The following EPB41L2 variants were observed in gnomAD, a reference collection of about 807,000 sequenced individuals.
The protein encoded by EPB41L2 is band 4.1-like protein 2.
EPB41L2 carries 43 observed loss-of-function variants against 113.0 expected under a neutral mutation model. The ratio of observed to expected loss-of-function variants is 0.38; its 90% CI spans 0.30 to 0.49. The LOEUF (loss-of-function observed/expected upper bound fraction) is 0.49. EPB41L2 is among the 20% of genes least tolerant of loss of function. The pLI is 0.95. For missense variants in EPB41L2, 1,147 were observed against 1,223.4 expected (o/e 0.94, Z 0.93); for synonymous variants, 442 against 436.7 (o/e 1.01, Z -0.15).
At chr6:130,859,296 C>A (rs535957569) in intron 18 of EPB41L2, among the ~76,000 whole-genome samples, 1 of 152,172 alleles carries the variant, frequency 6.6e-6, no homozygotes, top group Non-Finnish European at 1.5e-5. Context: ...CCAACGCGGG[C>A]GATCACTTGA....
intron 11 of EPB41L2, among the ~76,000 whole-genome samples, chr6:130,886,850 G>T (rs1273252159): frequency 2.6e-5 from 4 of 152,062 alleles, no homozygotes; most frequent in Non-Finnish European, 5.9e-5. Context: ...GGTCAGGCTG[G>T]TCTCAAACTC....
At chr6:130,976,580 A>C (rs1487334356) in intron 1 of EPB41L2, among the ~76,000 whole-genome samples, 2 of 152,238 alleles carry the variant, frequency 1.3e-5, no homozygotes, top group African/African-American at 4.8e-5. Flanking sequence ...CAGGTACAGA[A>C]GGAGGAAAAT....
At chr6:131,042,796 G>T (rs1040198903) in intron 1 of EPB41L2, among the ~76,000 whole-genome samples, 2 of 152,200 alleles carry the variant, frequency 1.3e-5, no homozygotes, top group Non-Finnish European at 2.9e-5. Context: ...CACTTGAACG[G>T]AAAACCTGGT....
At chr6:130,863,561 G>C in intron 18 of EPB41L2, 77 bp downstream of exon 18, 1 of 1,016,256 alleles carries the variant, frequency 9.8e-7, no homozygotes, top group Admixed American at 1.8e-5. Flanking sequence ...GTTTACACAG[G>C]TATGCGACAT....
At chr6:131,004,735 A>G (rs1035643147) in intron 1 of EPB41L2, among the ~76,000 whole-genome samples, 8 of 152,204 alleles carry the variant, frequency 5.3e-5, no homozygotes, top group South Asian at 4.2e-4. Context: ...ACTCCAACAG[A>G]CTAGGGGTGA....
At chr6:130,883,096 G>A (rs1023123791) in intron 12 of EPB41L2, 2 of 152,742 alleles carry the variant, frequency 1.3e-5, no homozygotes, top group African/African-American at 4.8e-5. Context: ...CCATTTCAGG[G>A]ACAGGCAATA....
intron 5 of EPB41L2, among the ~76,000 whole-genome samples, chr6:130,906,976 G>A (rs1422002443): frequency 6.6e-6 from 1 of 151,978 alleles, no homozygotes; most frequent in African/African-American, 2.4e-5. Context: ...ATAACTTTTT[G>A]AAACTTCACA....
chr6:131,012,098 G>A lies in EPB41L2; in HGVS notation c.-15+51057C>T, dbSNP rs149387464. On this transcript the variant is annotated intron_variant, in intron 1 of 19. Transcript: ENST00000337057. ...CACGCACCTGTAGTCCCAGCTACTC[G>A]GGAGGCTGAGGCATGAGAATCACTT... 2.6e-5 allele frequency among the ~76,000 whole-genome samples: 4 copies of A among 152,002 alleles called. No individual in the cohort carries two copies. In the East Asian group the frequency reaches 5.8e-4, roughly 22 times the overall value.
At chr6:130,925,186 T>A (rs1304754831) in intron 4 of EPB41L2, among the ~76,000 whole-genome samples, 1 of 126,086 alleles carries the variant, frequency 7.9e-6, no homozygotes, top group Non-Finnish European at 1.5e-5. Context: ...ATCAGATTTC[T>A]TTTCTTTTTT....
At chr6:130,972,978 G>A (rs571241246) in intron 1 of EPB41L2, among the ~76,000 whole-genome samples, 3 of 145,650 alleles carry the variant, frequency 2.1e-5, no homozygotes, top group South Asian at 2.3e-4. Flanking sequence ...CGGGTGTGGT[G>A]GCGCACGCCT....
chr6:131,039,854 C>T (rs1004029045), intron 1 of EPB41L2, among the ~76,000 whole-genome samples: 2 of 149,162 alleles, frequency 1.3e-5, no homozygotes, highest in African/African-American at 2.5e-5. Context: ...AAAAAAAAAA[C>T]TTGAGGTAAC....
intron 1 of EPB41L2, among the ~76,000 whole-genome samples, chr6:131,037,521 A>G (rs1025458727): frequency 6.6e-6 from 1 of 152,026 alleles, no homozygotes; most frequent in Non-Finnish European, 1.5e-5. Flanking sequence ...AATTAGTCTC[A>G]GCTATAATTA....
At chr6:130,858,336 A>T in intron 18 of EPB41L2, 93 bp from the exon 19 acceptor site, 1 of 937,500 alleles carries the variant, frequency 1.1e-6, no homozygotes, top group Non-Finnish European at 1.6e-6. Flanking sequence ...CCTCGGACCC[A>T]ACCTCAAGCC....
intron 1 of EPB41L2, among the ~76,000 whole-genome samples, chr6:130,984,263 A>G (rs1318931587): frequency 6.6e-6 from 1 of 152,198 alleles, no homozygotes; most frequent in Non-Finnish European, 1.5e-5. Context: ...TTACAGTTAA[A>G]GTTTGTTTTT....
rs1360333451 is a variant in EPB41L2, at chr6:130,946,208, CAA to C, written c.705+8895_705+8896del. 3.3e-5 allele frequency among the ~76,000 whole-genome samples: 5 copies of C among 152,200 alleles called. No individual in the cohort carries two copies. The East Asian group carries it at 9.6e-4, about 29-fold the overall frequency. On this transcript the variant is annotated intron_variant, in intron 3 of 19. Coordinates refer to ENST00000337057, the MANE Select transcript of EPB41L2 (RefSeq NM_001431.4). ...ACCACAAAGATTTGGAACAAATGCACAAAGAGAGCCTAGGCCTCAGGTCAAAA... is the reference window on the plus strand; with the variant it reads ...ACCACAAAGATTTGGAACAAATGCACAGAGAGCCTAGGCCTCAGGTCAAAA...
intron 19 of EPB41L2, among the ~76,000 whole-genome samples, chr6:130,846,947 T>C (rs768593098): frequency 5.3e-5 from 8 of 152,214 alleles, no homozygotes; most frequent in Non-Finnish European, 1.0e-4. Flanking sequence ...AGTATCCCCA[T>C]TACTAACTGT....
At chr6:131,047,145 C>A (rs1404709644) in intron 1 of EPB41L2, among the ~76,000 whole-genome samples, 1 of 152,078 alleles carries the variant, frequency 6.6e-6, no homozygotes, top group African/African-American at 2.4e-5. Flanking sequence ...CAAAGAGTTA[C>A]TACAAGAATT....
chr6:130,921,544 A>T (rs914538417), intron 4 of EPB41L2, among the ~76,000 whole-genome samples: 57 of 152,244 alleles, frequency 3.7e-4, no homozygotes, highest in African/African-American at 1.4e-3. Context: ...TAAACTCCGC[A>T]CCCACATCAT....
In EPB41L2 at chr6:130,900,823, C is replaced by T. The variant is rs1041686951; in HGVS notation, c.1148+139G>A. 6.8e-6 allele frequency: 6 copies of T among 878,328 alleles called. 1 individual carries two copies. The highest frequency in any genetic ancestry group is 4.4e-5 in the Admixed American group (2 of 45,012). 54.4% of individuals were successfully genotyped at this position (878,328 alleles called of 1,614,324 possible). A position where few individuals can be genotyped will look rare whatever the true frequency, so the allele number is the denominator to read the frequency against. ...AGGATACCTCAAGGGCTCCACGTTG[C>T]CTTGATTAGTGCTAGGTGAAACTCC... is the stretch of plus-strand genomic sequence containing the variant. On this transcript the variant is annotated intron_variant, in intron 7 of 19. Transcript: ENST00000337057.
Sources: gnomAD v4.1 joint callset for allele counts (sites outside exome capture counted in the v4.1 genomes callset) on GRCh38, gnomAD v4.1.1 for gene constraint, MANE v1.5 for transcripts, NCBI Gene and HGNC (gene_info 2026-07-23, HGNC 2026-07-21) for gene names.